The following CCDC47 variants were observed in gnomAD, a reference collection of about 807,000 sequenced individuals.
CCDC47 encodes the protein coiled-coil domain containing 47.
Under a neutral mutation model 60.5 loss-of-function variants are expected in CCDC47, and 41 were observed. The observed-to-expected ratio is 0.68, with a 90% confidence interval of 0.53 to 0.88. The LOEUF is 0.88. Ranked by LOEUF, CCDC47 falls within the 40% of genes least tolerant of loss-of-function variation. CCDC47 has a pLI of 0.00. For missense variants in CCDC47, 513 were observed against 580.9 expected (o/e 0.88, Z 1.20); for synonymous variants, 195 against 190.7 (o/e 1.02, Z -0.18).
At chr17:63,772,947 T>C (rs1434182774) in intron 1 of CCDC47, 1 of 152,184 alleles carries the variant, frequency 6.6e-6, no homozygotes, top group Non-Finnish European at 1.5e-5. Context: ...GCTCATCCAA[T>C]AGTTCCTCAG....
chr17:63,757,189 C>T, intron 6 of CCDC47, among the ~76,000 whole-genome samples: 1 of 134,214 alleles, frequency 7.5e-6, no homozygotes, highest in Non-Finnish European at 1.6e-5. Flanking sequence ...AATGGGACCC[C>T]ATCTGTACAA....
chr17:63,766,709 G>C (rs1213145862), intron 1 of CCDC47: 3 of 454,700 alleles, frequency 6.6e-6, no homozygotes, highest in South Asian at 9.4e-5. Context: ...ACAGGTGTGA[G>C]CCACTGTGCC....
rs56697502 is a variant in CCDC47, at chr17:63,765,120, CCACACACACACACA to C, written c.265-287_265-274del. The C allele has an allele frequency of 8.7e-5, 13 of 150,218 alleles. No homozygotes were observed. In the East Asian group the frequency reaches 1.2e-3, roughly 14 times the overall value. 9.3% of individuals were successfully genotyped at this position (150,218 alleles called of 1,614,324 possible). On this transcript the variant is annotated intron_variant, in intron 2 of 12. Transcript: ENST00000225726. ...AGAGAATATATTGTAAGTATTCTCA[CCACACACACACACA>C]CACACACACACACACACACACGGAG...
rs1387286601 is a variant in CCDC47 at position 63,754,521 on chromosome 17, GA to G, written c.949-4del. The G allele has an allele frequency of 6.4e-6, 10 of 1,568,722 alleles. No homozygotes were observed. The highest frequency in any genetic ancestry group is 8.7e-6 in the Non-Finnish European group (10 of 1,151,358). ...TAGTGTGTAAGAAAGTGAACCATCTGAAAAAAAGAAAATAATATTTTTTAAA... is the reference window on the plus strand; with the variant it reads ...TAGTGTGTAAGAAAGTGAACCATCTGAAAAAAGAAAATAATATTTTTTAAA... On this transcript the variant is annotated splice_polypyrimidine_tract_variant and splice_region_variant and intron_variant, in intron 8 of 12. Coordinates refer to ENST00000225726, the MANE Select transcript of CCDC47 (RefSeq NM_020198.3).
intron 9 of CCDC47, 151 bp from the exon 10 acceptor site, chr17:63,752,950 C>A: frequency 7.4e-7 from 1 of 1,345,290 alleles, no homozygotes. Context: ...AATGAAGGAG[C>A]TTTACAGGTC....
At chr17:63,769,961 CTTT>C (rs397857898) in intron 1 of CCDC47, among the ~76,000 whole-genome samples, 19 of 128,410 alleles carry the variant, frequency 1.5e-4, no homozygotes, top group Non-Finnish European at 1.9e-4. Context: ...ATTTTTCTTT[CTTT>C]TTTTTTTTTT....
rs757482715 is a variant in CCDC47, at chr17:63,752,020, A to C, written c.1291T>G (p.Ser431Ala). The C allele has an allele frequency of 2.5e-6, 4 of 1,613,286 alleles. No homozygotes were observed. The South Asian group carries it at 4.4e-5, about 18-fold the overall frequency. The change falls in exon 12 of 13, where the codon TCT (serine) becomes GCT (alanine). Residue 431 changes from serine to alanine, a missense_variant. Transcript: ENST00000225726. ...GCTCTTTTTTTCTCCTCCCGCCGAG[A>C]CTGTGCTGCTTCCTGTCTTTGCACA... is the stretch of plus-strand genomic sequence containing the variant. The part of the protein sequence containing the change: ...THVQRQEAAQ[S>A]RREEKKRAEK...
Position 63,765,983 on chromosome 17 carries a change from C to G in CCDC47, c.193G>C (p.Asp65His). The G allele has an allele frequency of 6.2e-7, 1 of 1,614,136 alleles. No individual in the cohort carries two copies. The highest frequency in any genetic ancestry group is 8.5e-7 in the Non-Finnish European group (1 of 1,179,990). ...QRVIITEDDE[D>H]ETTVELEGQD... ...CCTTCCAACTCCACAGTGGTCTCAT[C>G]TTCATCATCTTCAGTGATTATGACC... Residue 65 changes from aspartate (D) to histidine (H), a missense_variant, in exon 2 of 13, where the codon GAT (aspartate) becomes CAT (histidine). Coordinates refer to ENST00000225726, the MANE Select transcript of CCDC47 (RefSeq NM_020198.3).
In CCDC47 at chr17:63,766,094, C is replaced by T; in HGVS notation, c.82G>A (p.Glu28Lys). ...SEAKFDDFED[E>K]EDIVEYDDND... ...TCATCATACTCTACTATGTCCTCCT[C>T]ATCCTCAAAATCATCAAACTTGGCT... Residue 28 changes from glutamate (E) to lysine (K), a missense_variant, in exon 2 of 13, where the codon GAG becomes AAG. Glu to Lys is a moderately conservative substitution (Grantham distance 56, BLOSUM62 1). Transcript: ENST00000225726. The T allele has an allele frequency of 6.2e-7, 1 of 1,614,034 alleles. No individual in the cohort carries two copies. Among genetic ancestry groups the T allele is most frequent in the Non-Finnish European group, 8.5e-7 (1 of 1,179,988 alleles).
At chr17:63,749,311 G>A (rs1012590123) in intron 12 of CCDC47, among the ~76,000 whole-genome samples, 4 of 151,882 alleles carry the variant, frequency 2.6e-5, no homozygotes, top group Non-Finnish European at 4.4e-5. Flanking sequence ...CAGGAGAATC[G>A]CTTGAACCCA....
intron 1 of CCDC47, chr17:63,772,850 A>G (rs1193087882): frequency 6.6e-6 from 1 of 152,274 alleles, no homozygotes; most frequent in East Asian, 1.9e-4. Context: ...CAGACCACCC[A>G]GCCTCTATGA....
intron 6 of CCDC47, among the ~76,000 whole-genome samples, chr17:63,759,840 C>T (rs796634606): frequency 4.6e-5 from 7 of 150,726 alleles, no homozygotes; most frequent in African/African-American, 1.2e-4. Context: ...CCAACACGGG[C>T]GGATCACGAG....
At chr17:63,752,632 G>A (rs1273028922) in intron 10 of CCDC47, 109 bp downstream of exon 10, 9 of 1,153,204 alleles carry the variant, frequency 7.8e-6, no homozygotes. Context: ...GCAAGCACAG[G>A]CTTATAGTTT....
intron 1 of CCDC47, among the ~76,000 whole-genome samples, chr17:63,771,041 G>GAAAGAAAGAAAGAAAGAAAGAAAGA (rs1568253194): frequency 4.4e-4 from 14 of 31,684 alleles, no homozygotes; most frequent in African/African-American, 1.4e-3. Flanking sequence ...AGGAAGGAAG[G>GAAAGAAAGAAAGAAAGAAAGAAAGA]AAGGAAGAAA....
At chr17:63,756,639 A>C in intron 6 of CCDC47, 69 bp from the exon 7 acceptor site, 1 of 1,070,492 alleles carries the variant, frequency 9.3e-7, no homozygotes, top group Non-Finnish European at 1.4e-6. Context: ...TTTCTAAATG[A>C]CCCTTAAGAT....
chr17:63,753,492 C>T (rs985032503), intron 9 of CCDC47: 1 of 276,310 alleles, frequency 3.6e-6, no homozygotes, highest in Non-Finnish European at 5.5e-6. Flanking sequence ...TTGTGCTCAA[C>T]TCCACAGCCT....
chr17:63,756,439 G>A (rs908559192), intron 7 of CCDC47, 30 bp downstream of exon 7: 16 of 1,583,460 alleles, frequency 1.0e-5, no homozygotes, highest in Non-Finnish European at 1.4e-5. Flanking sequence ...ACAGTTCTAC[G>A]TATATTTGAG....
chr17:63,771,499 A>G lies in CCDC47; in HGVS notation c.-20+1913T>C, dbSNP rs2039341643. On this transcript the variant is annotated intron_variant, in intron 1 of 12. Transcript: ENST00000225726. Reference sequence around the variant, plus strand: ...ATCAAGGGACAATCTATGGGAAAGCATGCCACTTTGTCAATGCCAGCCTCA... The same window carrying G: ...ATCAAGGGACAATCTATGGGAAAGCGTGCCACTTTGTCAATGCCAGCCTCA... 5.9e-5 allele frequency among the ~76,000 whole-genome samples: 9 copies of G among 152,274 alleles called. No homozygotes were observed. In the South Asian group the frequency reaches 1.9e-3, roughly 32 times the overall value.
intron 7 of CCDC47, 55 bp from the exon 8 acceptor site, chr17:63,756,405 T>G: frequency 1.3e-6 from 2 of 1,573,892 alleles, no homozygotes; most frequent in Non-Finnish European, 8.7e-7. Context: ...GCAATGAAGC[T>G]GAATATGTGT....
Sources: allele counts gnomAD v4.1 joint callset (sites outside exome capture counted in the v4.1 genomes callset), GRCh38; gene constraint gnomAD v4.1.1; transcripts MANE v1.5; gene names NCBI Gene and HGNC (gene_info 2026-07-23, HGNC 2026-07-21).